The following SHROOM3 variants were observed in gnomAD, a reference collection of about 807,000 sequenced individuals.
The protein encoded by SHROOM3 is protein Shroom3.
In SHROOM3, 47 loss-of-function variants were observed where a neutral mutation model predicts 138.6. The ratio of observed to expected loss-of-function variants is 0.34; its 90% CI spans 0.27 to 0.43. The LOEUF is 0.43. Ranked by LOEUF, SHROOM3 falls within the 20% of genes least tolerant of loss-of-function variation. SHROOM3 has a pLI of 1.00. For missense variants in SHROOM3, 2,491 were observed against 2,596.5 expected (o/e 0.96, Z 0.88); for synonymous variants, 1,062 against 1,063.3 (o/e 1.00, Z 0.02).
intron 1 of SHROOM3, among the ~76,000 whole-genome samples, chr4:76,528,675 C>T (rs1456614408): frequency 6.6e-6 from 1 of 151,872 alleles, no homozygotes; most frequent in Non-Finnish European, 1.5e-5. Flanking sequence ...GCCTCAGTCT[C>T]CCCAGTAGCT....
chr4:76,750,088 T>G (rs573811286), intron 6 of SHROOM3, among the ~76,000 whole-genome samples: 2 of 152,198 alleles, frequency 1.3e-5, no homozygotes, highest in Admixed American at 6.5e-5. Context: ...ATTAATTACC[T>G]GCTTTCTAGC....
intron 1 of SHROOM3, among the ~76,000 whole-genome samples, chr4:76,515,374 A>G (rs1425589061): frequency 6.6e-6 from 1 of 151,888 alleles, no homozygotes; most frequent in African/African-American, 2.4e-5. Flanking sequence ...TGACATAATG[A>G]GAACTTGTCT....
intron 2 of SHROOM3, among the ~76,000 whole-genome samples, chr4:76,648,883 G>A (rs926556815): frequency 2.0e-5 from 3 of 152,134 alleles, no homozygotes; most frequent in East Asian, 1.9e-4. Context: ...GATGGGGGGA[G>A]CTGTATAGGA....
chr4:76,486,918 A>G (rs999112491), intron 1 of SHROOM3, among the ~76,000 whole-genome samples: 2 of 152,040 alleles, frequency 1.3e-5, no homozygotes, highest in African/African-American at 4.8e-5. Context: ...ACTTTAAAAA[A>G]AAAACCTTTT....
At chr4:76,581,475 TATA>T (rs1414362708) in intron 2 of SHROOM3, among the ~76,000 whole-genome samples, 1 of 152,234 alleles carries the variant, frequency 6.6e-6, no homozygotes, top group Non-Finnish European at 1.5e-5. Context: ...ACAGGCATTG[TATA>T]ATAATACTTT....
intron 2 of SHROOM3, among the ~76,000 whole-genome samples, chr4:76,609,399 C>T (rs1013605613): frequency 2.6e-5 from 4 of 152,202 alleles, no homozygotes; most frequent in South Asian, 2.1e-4. Flanking sequence ...CCTCTTGCTT[C>T]AGCCTCCTGG....
At chr4:76,562,089 T>C (rs927972922) in intron 2 of SHROOM3, among the ~76,000 whole-genome samples, 1 of 152,170 alleles carries the variant, frequency 6.6e-6, no homozygotes, top group African/African-American at 2.4e-5. Flanking sequence ...AGAAAACATT[T>C]TGAATGAAGA....
chr4:76,446,535 G>A (rs1398016), intron 1 of SHROOM3, among the ~76,000 whole-genome samples: 47,941 of 151,708 alleles, frequency 0.32, 8,958 homozygotes, highest in Non-Finnish European at 0.43. Context: ...GACCACTCTG[G>A]TTGTTTGGGT....
chr4:76,653,301 T>A (rs1735999845), intron 2 of SHROOM3, among the ~76,000 whole-genome samples: 1 of 151,962 alleles, frequency 6.6e-6, no homozygotes, highest in South Asian at 2.1e-4. Flanking sequence ...GGATAGTTCT[T>A]TGTTGTTGGG....
intron 1 of SHROOM3, among the ~76,000 whole-genome samples, chr4:76,475,198 T>G (rs1731461122): frequency 6.6e-6 from 1 of 152,202 alleles, no homozygotes; most frequent in African/African-American, 2.4e-5. Flanking sequence ...ATACAAGCAT[T>G]ACCTCATTTC....
rs2110143916 is a variant in SHROOM3, at chr4:76,754,936, A to C, written c.4453A>C (p.Ile1485Leu). The C allele has an allele frequency of 6.2e-7, 1 of 1,613,970 alleles. No individual in the cohort carries two copies. Among genetic ancestry groups the C allele is most frequent in the South Asian group, 1.1e-5 (1 of 91,074 alleles). ...PLGAPSTPGR[I>L]SLRISESVLR... ...TGGGGCCCCGAGCACTCCAGGGAGG[A>C]TCTCCCTCCGAATATCTGAGTCTGT... Residue 1485 changes from isoleucine (I) to leucine (L), a missense_variant, in exon 7 of 11, where the codon ATC becomes CTC. Ile to Leu is a conservative substitution (Grantham distance 5). Coordinates refer to ENST00000296043, the MANE Select transcript of SHROOM3 (RefSeq NM_020859.4).
chr4:76,655,189 A>T (rs1048427649), intron 2 of SHROOM3, among the ~76,000 whole-genome samples: 5 of 152,220 alleles, frequency 3.3e-5, no homozygotes, highest in Non-Finnish European at 5.9e-5. Flanking sequence ...CCAATATTAT[A>T]TGCAAATATC....
intron 2 of SHROOM3, chr4:76,645,469 G>C (rs534969392): frequency 2.0e-5 from 3 of 152,202 alleles, no homozygotes; most frequent in East Asian, 3.8e-4. Context: ...TGGGCAGCAC[G>C]ATGGCCACAG....
chr4:76,767,212 C>T (rs1439571842), intron 9 of SHROOM3, among the ~76,000 whole-genome samples: 2 of 152,190 alleles, frequency 1.3e-5, no homozygotes, highest in Non-Finnish European at 2.9e-5. Flanking sequence ...GCCACCCCTG[C>T]AGTGTTGCTG....
In SHROOM3 at chr4:76,776,304, G is replaced by A. The variant is rs927763026; in HGVS notation, c.5623-2505G>A. 2.6e-5 allele frequency among the ~76,000 whole-genome samples: 4 copies of A among 151,998 alleles called. 1 individual carries two copies. Among genetic ancestry groups the A allele is most frequent in the Admixed American group, 2.6e-4 (4 of 15,256 alleles). ...TAATGTCCTTTGCCCACTTTTTGATGGGATTTTTTCTTGCTGATTTATTTG... is the reference window on the plus strand; with the variant it reads ...TAATGTCCTTTGCCCACTTTTTGATAGGATTTTTTCTTGCTGATTTATTTG... On this transcript the variant is annotated intron_variant, in intron 10 of 10. Transcript: ENST00000296043.
At chr4:76,637,163 G>A (rs1735520625) in intron 2 of SHROOM3, among the ~76,000 whole-genome samples, 1 of 152,166 alleles carries the variant, frequency 6.6e-6, no homozygotes, top group South Asian at 2.1e-4. Context: ...TCCTGGATGA[G>A]AGAAAAGATA....
intron 2 of SHROOM3, among the ~76,000 whole-genome samples, chr4:76,570,157 AC>A (rs1733806659): frequency 6.5e-5 from 1 of 15,408 alleles, no homozygotes; most frequent in South Asian, 2.5e-3. Flanking sequence ...AAATGTTAAA[AC>A]ACACACACAC....
intron 2 of SHROOM3, among the ~76,000 whole-genome samples, chr4:76,574,783 A>G (rs1471593165): frequency 6.6e-6 from 1 of 152,232 alleles, no homozygotes; most frequent in Admixed American, 6.5e-5. Context: ...TCAAATTCAT[A>G]CACAAAAAAT....
chr4:76,436,804 C>T (rs534702715), intron 1 of SHROOM3, among the ~76,000 whole-genome samples: 55 of 152,248 alleles, frequency 3.6e-4, no homozygotes, highest in Non-Finnish European at 7.2e-4. Context: ...TGCAGCATAC[C>T]TCAATTCTTC....
Sources: gnomAD v4.1 joint callset for allele counts (sites outside exome capture counted in the v4.1 genomes callset) on GRCh38, gnomAD v4.1.1 for gene constraint, MANE v1.5 for transcripts, NCBI Gene and HGNC (gene_info 2026-07-23, HGNC 2026-07-21) for gene names.